RGL1: variants seen among roughly 807,000 people sequenced by gnomAD.
RGL1 encodes ral guanine nucleotide dissociation stimulator-like 1.
RGL1 carries 24 observed loss-of-function variants against 95.2 expected under a neutral mutation model. That is an observed-to-expected ratio of 0.25 (90% CI 0.18 to 0.35). RGL1 has a LOEUF of 0.35. RGL1 is among the 10% of genes least tolerant of loss of function. RGL1 has a pLI of 1.00. For missense variants in RGL1, 715 were observed against 936.3 expected (o/e 0.76, Z 3.08); for synonymous variants, 329 against 344.9 (o/e 0.95, Z 0.51).
chr1:183,690,349 G>C (rs1171657652), intron 1 of RGL1, among the ~76,000 whole-genome samples: 1 of 152,160 alleles, frequency 6.6e-6, no homozygotes, highest in African/African-American at 2.4e-5. Flanking sequence ...GATTTTAAAA[G>C]AATGTTACGT....
intron 14 of RGL1, among the ~76,000 whole-genome samples, chr1:183,908,539 G>C (rs892524089): frequency 1.3e-5 from 2 of 152,194 alleles, no homozygotes; most frequent in African/African-American, 2.4e-5. Flanking sequence ...GTCAGCTCTT[G>C]AGGAGAATTT....
chr1:183,901,926 G>T (rs1402830121), intron 11 of RGL1, among the ~76,000 whole-genome samples: 1 of 152,204 alleles, frequency 6.6e-6, no homozygotes, highest in African/African-American at 2.4e-5. Flanking sequence ...AGAAGAAGTA[G>T]AAGTTACTTT....
intron 2 of RGL1, among the ~76,000 whole-genome samples, chr1:183,808,784 G>A (rs568868230): frequency 1.3e-5 from 2 of 151,448 alleles, no homozygotes; most frequent in African/African-American, 4.9e-5. Flanking sequence ...TTAACATGAG[G>A]AGACTAATGC....
intron 1 of RGL1, among the ~76,000 whole-genome samples, chr1:183,692,092 T>C (rs929057049): frequency 4.0e-5 from 6 of 151,474 alleles, no homozygotes; most frequent in African/African-American, 1.2e-4. Context: ...TAATATACTT[T>C]TTGAGTTCTT....
At chr1:183,677,444 T>G (rs1452586278) in intron 1 of RGL1, among the ~76,000 whole-genome samples, 1 of 152,148 alleles carries the variant, frequency 6.6e-6, no homozygotes, top group Non-Finnish European at 1.5e-5. Context: ...TTACCTGGGT[T>G]TAATTTGCCC....
intron 1 of RGL1, among the ~76,000 whole-genome samples, chr1:183,655,447 T>C (rs1210131630): frequency 6.6e-6 from 1 of 152,236 alleles, no homozygotes; most frequent in Admixed American, 6.5e-5. Flanking sequence ...ACAACAATGC[T>C]CAAATTCATG....
chr1:183,669,174 C>T (rs1424589022), intron 1 of RGL1, among the ~76,000 whole-genome samples: 1 of 152,008 alleles, frequency 6.6e-6, no homozygotes, highest in Non-Finnish European at 1.5e-5. Context: ...AATCTCATGA[C>T]CTCGTGATCC....
chr1:183,798,449 C>T (rs1369103553), intron 2 of RGL1, among the ~76,000 whole-genome samples: 1 of 152,090 alleles, frequency 6.6e-6, no homozygotes, highest in Non-Finnish European at 1.5e-5. Context: ...GAAACCATCA[C>T]CACCATCAAA....
chr1:183,888,450 A>G, intron 7 of RGL1, 24 bp from the exon 8 acceptor site: 1 of 1,393,068 alleles, frequency 7.2e-7, no homozygotes, highest in Non-Finnish European at 1.0e-6. Context: ...AATGCCTTTT[A>G]TGTTTTAATC....
chr1:183,884,102 T>C (rs962039725), intron 6 of RGL1, among the ~76,000 whole-genome samples, 192 bp downstream of exon 6: 2 of 152,242 alleles, frequency 1.3e-5, no homozygotes, highest in Non-Finnish European at 2.9e-5. Flanking sequence ...GCCTGAGCTC[T>C]TCTTGCAACT....
chr1:183,724,437 C>T lies in RGL1; in HGVS notation c.-32-17689C>T, dbSNP rs1381991538. Reference sequence around the variant, plus strand: ...CCCTAGGCCAGAGGGGAGCCCACTTCCCTGACATATGAGTCCTAAGCCTGG... The same window carrying T: ...CCCTAGGCCAGAGGGGAGCCCACTTTCCTGACATATGAGTCCTAAGCCTGG... On this transcript the variant is annotated intron_variant, in intron 1 of 18. Transcript: ENST00000304685. This position sits in a 1 kb window ranked among gnomAD's most constrained non-coding sequence, Gnocchi z 4.1. 6.6e-6 allele frequency among the ~76,000 whole-genome samples: 1 copy of T among 152,114 alleles called. No individual in the cohort carries two copies. Among genetic ancestry groups the T allele is most frequent in the Non-Finnish European group, 1.5e-5 (1 of 68,008 alleles).
intron 3 of RGL1, among the ~76,000 whole-genome samples, chr1:183,851,692 G>C (rs115858401): frequency 6.6e-6 from 1 of 152,172 alleles, no homozygotes; most frequent in East Asian, 1.9e-4. Context: ...CATTTATTTA[G>C]ATTATTCTGC....
intron 17 of RGL1, among the ~76,000 whole-genome samples, chr1:183,923,942 G>T (rs1473143109): frequency 2.0e-5 from 3 of 152,252 alleles, no homozygotes; most frequent in Admixed American, 6.5e-5. Context: ...CTCTCTGGTT[G>T]CCTCCCCGAC....
chr1:183,685,607 C>G, intron 1 of RGL1, among the ~76,000 whole-genome samples: 1 of 152,158 alleles, frequency 6.6e-6, no homozygotes, highest in South Asian at 2.1e-4. Flanking sequence ...AACATTTTCT[C>G]TAGCAGCAGC....
chr1:183,826,080 G>A (rs937650048), intron 2 of RGL1, among the ~76,000 whole-genome samples: 1 of 148,222 alleles, frequency 6.7e-6, no homozygotes, highest in South Asian at 2.1e-4. Flanking sequence ...TTGAGACGGA[G>A]TCTCACTCTG....
intron 1 of RGL1, among the ~76,000 whole-genome samples, chr1:183,673,563 A>C (rs1039956531): frequency 1.3e-5 from 2 of 152,186 alleles, no homozygotes; most frequent in African/African-American, 4.8e-5. Context: ...GTGTGACTTA[A>C]ATGTCGATGC....
intron 2 of RGL1, among the ~76,000 whole-genome samples, chr1:183,746,723 T>C (rs1159238111): frequency 6.6e-6 from 1 of 151,902 alleles, no homozygotes; most frequent in East Asian, 1.9e-4. Context: ...GGTATACATA[T>C]GCCATGGTGG....
intron 1 of RGL1, among the ~76,000 whole-genome samples, chr1:183,668,069 A>G (rs1461876889): frequency 6.6e-6 from 1 of 152,100 alleles, no homozygotes; most frequent in Non-Finnish European, 1.5e-5. Flanking sequence ...CCTTTTAAAC[A>G]GTCATCTGTT....
At chr1:183,861,198 G>A (rs1297836289) in intron 3 of RGL1, among the ~76,000 whole-genome samples, 1 of 152,218 alleles carries the variant, frequency 6.6e-6, no homozygotes, top group East Asian at 1.9e-4. Flanking sequence ...ATTATTAACT[G>A]CTGTTATTAT....
Sources: allele counts gnomAD v4.1 joint callset (sites outside exome capture counted in the v4.1 genomes callset), GRCh38; gene constraint gnomAD v4.1.1; non-coding constraint Gnocchi (gnomAD v3.1); transcripts MANE v1.5; gene names NCBI Gene and HGNC (gene_info 2026-07-23, HGNC 2026-07-21).